RIF1: variants seen among roughly 807,000 people sequenced by gnomAD.
RIF1 encodes replication timing regulatory factor 1.
RIF1 carries 45 observed loss-of-function variants against 247.1 expected under a neutral mutation model. The ratio of observed to expected loss-of-function variants is 0.18; its 90% CI spans 0.14 to 0.23. The LOEUF is 0.23. Ranked by LOEUF, RIF1 falls within the 10% of genes least tolerant of loss-of-function variation. The pLI is 1.00. For missense variants in RIF1, 2,967 were observed against 2,862.5 expected (o/e 1.04, Z -0.83); for synonymous variants, 1,087 against 978.8 (o/e 1.11, Z -2.06).
Position 151,416,869 on chromosome 2 carries a change from T to A in RIF1, c.471T>A (p.Val157=). ...ACAAAGGAGAGACGCATTCTGCTGT[T>A]GTTGATTTTGAAGCATTAAATGTTA... ...LFNKGETHSA[V]VDFEALNVIV... is the part of the protein sequence containing the mutation. Residue 157 remains valine (V), a synonymous_variant, in exon 6 of 36, where the codon GTT becomes GTA. Transcript: ENST00000444746. 9.3e-6 allele frequency: 15 copies of A among 1,612,684 alleles called. No individual in the cohort carries two copies. Among genetic ancestry groups the A allele is most frequent in the Non-Finnish European group, 1.3e-5 (15 of 1,179,006 alleles).
chr2:151,445,039 T>A (rs1375040793), intron 18 of RIF1, among the ~76,000 whole-genome samples: 2 of 152,158 alleles, frequency 1.3e-5, no homozygotes, highest in African/African-American at 4.8e-5. Flanking sequence ...CACTTGACTA[T>A]GCCTCCATCT....
chr2:151,513,663 C>A, the RIF1 span: 2 of 1,607,580 alleles, frequency 1.2e-6, no homozygotes, highest in Non-Finnish European at 1.7e-6. Context: ...CTTCCTTTGA[C>A]TTCCAGTTCC....
At chr2:151,468,586 T>G in intron 32 of RIF1, 35 bp downstream of exon 32, 1 of 1,604,910 alleles carries the variant, frequency 6.2e-7, no homozygotes. Context: ...TCACTTTATA[T>G]TTTCATGTTC....
At position 151,464,206 on chromosome 2, in the gene RIF1, A is replaced by C; in HGVS notation, c.4686A>C (p.Glu1562Asp). 6.2e-7 allele frequency: 1 copy of C among 1,612,454 alleles called. No individual in the cohort carries two copies. Among genetic ancestry groups the C allele is most frequent in the Non-Finnish European group, 8.5e-7 (1 of 1,179,638 alleles). ...SESDSSEAKE[E>D]GSRKKRSGKW... ...CTGATAGTTCGGAGGCAAAAGAAGA[A>C]GGTTCTAGGAAGAAGAGATCTGGAA... is the stretch of plus-strand genomic sequence containing the variant. The change falls in exon 30 of 36, where the codon GAA becomes GAC. Residue 1562 changes from glutamate (E) to aspartate (D), a missense_variant. Transcript: ENST00000444746.
chr2:151,486,410 A>G (rs1391240499), downstream of RIF1: 3 of 159,076 alleles, frequency 1.9e-5, no homozygotes, highest in African/African-American at 7.2e-5. Context: ...TGGAAGTGGA[A>G]AAGAGTGCAG....
Position 151,501,003 on chromosome 2 carries a change from G to T in RIF1, c.*709+1463G>T, listed in dbSNP as rs558010091. 6.6e-5 allele frequency among the ~76,000 whole-genome samples: 10 copies of T among 152,276 alleles called. No homozygotes were observed. In the South Asian group the frequency reaches 2.1e-3, roughly 32 times the overall value. Reference sequence around the variant, plus strand: ...TAAGATGATCCCTGTTCCTAAGGAAGAGCCACCATTTCTATATGTGGCTTC... The same window carrying T: ...TAAGATGATCCCTGTTCCTAAGGAATAGCCACCATTTCTATATGTGGCTTC... On this transcript the variant is annotated intron_variant and NMD_transcript_variant, in intron 11 of 13. Coordinates refer to the RIF1 transcript ENST00000454583.
intron 11 of RIF1, among the ~76,000 whole-genome samples, chr2:151,501,947 T>TATC (rs1186776666): frequency 2.0e-5 from 3 of 152,336 alleles, no homozygotes; most frequent in African/African-American, 7.2e-5. Flanking sequence ...AATTAATTTA[T>TATC]ATCTTACATA....
intron 10 of RIF1, chr2:151,498,090 A>G: frequency 6.8e-7 from 1 of 1,472,386 alleles, no homozygotes; most frequent in Non-Finnish European, 9.0e-7. Flanking sequence ...CAGATGAAGT[A>G]AAAAATTGAC....
intron 1 of RIF1, 178 bp downstream of exon 1, chr2:151,410,211 G>T: frequency 1.6e-6 from 1 of 634,550 alleles, no homozygotes; most frequent in Non-Finnish European, 2.8e-6. Context: ...AGGCCCGAAT[G>T]TGGCGTGGGC....
rs2048975670 is a variant in RIF1, at chr2:151,477,283, G to C, written c.*2212G>C. ...ACTGTGTTGTCTCACTATTAAAATG[G>C]AATTCGTTTTTTCAGATCTTTTCTA... On this transcript the variant is annotated 3_prime_UTR_variant, in exon 36 of 36. Coordinates refer to ENST00000444746, the MANE Select transcript of RIF1 (RefSeq NM_018151.5). 1 of 152,108 alleles carries C rather than the reference G, an allele frequency of 6.6e-6. No individual in the cohort carries two copies. Among genetic ancestry groups the C allele is most frequent in the South Asian group, 2.1e-4 (1 of 4,828 alleles). 9.4% of individuals were successfully genotyped at this position (152,108 alleles called of 1,614,324 possible). A position where few individuals can be genotyped will look rare whatever the true frequency, so the allele number is the denominator to read the frequency against.
chr2:151,466,915 A>G (rs1028299341), intron 30 of RIF1, among the ~76,000 whole-genome samples: 3 of 152,232 alleles, frequency 2.0e-5, no homozygotes, highest in African/African-American at 7.2e-5. Context: ...TGCCTTCAAC[A>G]AACAACACTT....
At chr2:151,512,739 T>C (rs761315020), downstream of RIF1, 24 of 1,612,626 alleles carry the variant, frequency 1.5e-5, no homozygotes, top group Non-Finnish European at 2.0e-5. Flanking sequence ...TTACCTGGCT[T>C]GAAAGATTCT....
At chr2:151,469,981 G>A (rs2152526977) in intron 34 of RIF1, 117 bp downstream of exon 34, 3 of 716,418 alleles carry the variant, frequency 4.2e-6, no homozygotes, top group South Asian at 2.7e-5. Context: ...CATTTATTTT[G>A]TACTGTCTTT....
chr2:151,494,643 GT>G (rs1487010172), intron 9 of RIF1, among the ~76,000 whole-genome samples: 5 of 151,404 alleles, frequency 3.3e-5, no homozygotes, highest in African/African-American at 1.2e-4. Context: ...GTTTTTTTTT[GT>G]TTTGTTTTGT....
chr2:151,449,433 TTCTC>T (rs1317852799), intron 20 of RIF1, among the ~76,000 whole-genome samples: 2 of 152,040 alleles, frequency 1.3e-5, no homozygotes, highest in East Asian at 3.9e-4. Flanking sequence ...CTTTTTTTCT[TTCTC>T]TCTTTTTCTT....
intron 6 of RIF1, 84 bp from the exon 7 acceptor site, chr2:151,420,106 A>G (rs1687921251): frequency 2.7e-6 from 3 of 1,129,270 alleles, no homozygotes; most frequent in Non-Finnish European, 3.8e-6. Flanking sequence ...CGTACTGTGT[A>G]TATTTCTGTT....
downstream of RIF1, chr2:151,486,251 G>A (rs745437510): frequency 6.9e-5 from 17 of 245,226 alleles, no homozygotes; most frequent in Non-Finnish European, 1.3e-4. Flanking sequence ...ACAAAAGGAT[G>A]CTCAAAATTA....
Position 151,457,869 on chromosome 2 carries a change from C to A in RIF1, c.2761C>A (p.Leu921Met). 6.2e-7 allele frequency: 1 copy of A among 1,613,402 alleles called. No individual in the cohort carries two copies. Among genetic ancestry groups the A allele is most frequent in the African/African-American group, 1.3e-5 (1 of 75,012 alleles). Residue 921 changes from leucine (L) to methionine (M), a missense_variant, in exon 24 of 36, where the codon CTG becomes ATG. Leu to Met is a conservative substitution (Grantham distance 15). Transcript: ENST00000444746. The part of the protein sequence containing the change: ...QLSPLLCIIF[L>M]HKNKQIRKQS... ...CTCCCCACTATTATGCATAATATTT[C>A]TGCACAAGAATAAACAGATTCGAAA...
intron 30 of RIF1, 103 bp downstream of exon 30, chr2:151,466,223 C>A (rs1696849279): frequency 1.5e-6 from 1 of 668,446 alleles, no homozygotes; most frequent in Non-Finnish European, 2.6e-6. Flanking sequence ...AATTATATGG[C>A]CACTCATTTG....
Sources: allele counts gnomAD v4.1 joint callset (sites outside exome capture counted in the v4.1 genomes callset), GRCh38; gene constraint gnomAD v4.1.1; transcripts MANE v1.5; gene names NCBI Gene and HGNC (gene_info 2026-07-23, HGNC 2026-07-21).